Variants in MYO16 observed in about 807,000 individuals in gnomAD.
The protein encoded by MYO16 is unconventional myosin-XVI.
Under a neutral mutation model 205.3 loss-of-function variants are expected in MYO16, and 94 were observed. The ratio of observed to expected loss-of-function variants is 0.46; its 90% confidence interval spans 0.39 to 0.54. MYO16 has a LOEUF of 0.54. Among genes scored for constraint, MYO16 ranks in the 20% least tolerant of loss-of-function variants. The pLI is 0.00. For missense variants in MYO16, 2,315 were observed against 2,387.5 expected, an observed-to-expected ratio of 0.97 and a Z score of 0.63; for synonymous variants, 988 against 954.0, an observed-to-expected ratio of 1.04 and a Z score of -0.66.
intron 2 of MYO16, among the ~76,000 whole-genome samples, chr13:108,704,508 T>C (rs1236856531): frequency 2.6e-5 from 4 of 152,124 alleles, no homozygotes; most frequent in Non-Finnish European, 5.9e-5. Flanking sequence ...AATAAAAATA[T>C]ATTTTAAAAA....
chr13:108,650,709 C>A (rs922664450), intron 1 of MYO16, among the ~76,000 whole-genome samples: 2 of 152,192 alleles, frequency 1.3e-5, no homozygotes, highest in South Asian at 4.1e-4. Context: ...AATTCCAAAG[C>A]ATCATCCTCT....
At chr13:108,816,178 A>G (rs750900516) in intron 7 of MYO16, among the ~76,000 whole-genome samples, 8 of 152,198 alleles carry the variant, frequency 5.3e-5, no homozygotes, top group African/African-American at 1.9e-4. Context: ...TAAAGCTTTC[A>G]GAAGAAACTA....
intron 12 of MYO16, among the ~76,000 whole-genome samples, chr13:108,867,412 T>C (rs1878775983): frequency 6.6e-6 from 1 of 151,962 alleles, no homozygotes. Flanking sequence ...GTCAGTGCCA[T>C]GGTTACTTTA....
intron 21 of MYO16, among the ~76,000 whole-genome samples, chr13:109,003,503 G>T (rs975992229): frequency 2.6e-5 from 4 of 152,162 alleles, no homozygotes; most frequent in Admixed American, 6.6e-5. Context: ...AAATTGGGTT[G>T]CTCTATCCAG....
chr13:108,779,447 A>G (rs1886229307), intron 4 of MYO16: 1 of 152,248 alleles, frequency 6.6e-6, no homozygotes. Flanking sequence ...TGAAGGAGAC[A>G]ACTTTGGGGA....
At chr13:108,853,411 C>T (rs181968446) in intron 10 of MYO16, among the ~76,000 whole-genome samples, 1 of 152,264 alleles carries the variant, frequency 6.6e-6, no homozygotes, top group Admixed American at 6.5e-5. Context: ...CCTAACCCAA[C>T]ATTAAATAAC....
chr13:108,510,447 TAA>T, the MYO16 span, among the ~76,000 whole-genome samples: 2 of 120,812 alleles, frequency 1.7e-5, no homozygotes, highest in Admixed American at 8.7e-5. Context: ...TTTTTATATT[TAA>T]CATTGATAGC....
intron 27 of MYO16, among the ~76,000 whole-genome samples, chr13:109,093,432 C>A (rs1457327664): frequency 6.6e-6 from 1 of 152,158 alleles, no homozygotes; most frequent in Non-Finnish European, 1.5e-5. Flanking sequence ...TAATTGGCAA[C>A]CAGCAAGGTA....
chr13:109,149,190 T>C (rs1185691775), intron 32 of MYO16, among the ~76,000 whole-genome samples: 1 of 152,140 alleles, frequency 6.6e-6, no homozygotes, highest in Non-Finnish European at 1.5e-5. Context: ...ACAAAAACCA[T>C]AGCAGCGCTT....
intron 2 of MYO16, among the ~76,000 whole-genome samples, chr13:108,698,358 T>C (rs1883170414): frequency 6.6e-6 from 1 of 152,192 alleles, no homozygotes; most frequent in Non-Finnish European, 1.5e-5. Context: ...AAATAAAACT[T>C]GAGATGTGAT....
chr13:109,150,913 T>C (rs1877623995), intron 32 of MYO16, among the ~76,000 whole-genome samples: 1 of 152,220 alleles, frequency 6.6e-6, no homozygotes. Context: ...AATAAAGACC[T>C]TCCTGACTAT....
intron 23 of MYO16, among the ~76,000 whole-genome samples, chr13:109,022,157 TTATATATACAAATA>T (rs1886049692): frequency 1.6e-5 from 2 of 123,760 alleles, no homozygotes; most frequent in Admixed American, 8.2e-5. Context: ...ATATACAAAT[TTATATATACAAATA>T]TATATTTATA....
intron 15 of MYO16, among the ~76,000 whole-genome samples, chr13:108,899,415 C>T (rs1201565379): frequency 6.7e-6 from 1 of 149,846 alleles, no homozygotes; most frequent in Non-Finnish European, 1.5e-5. Context: ...GAGAGCCAAA[C>T]TCCATCTCAA....
intron 16 of MYO16, among the ~76,000 whole-genome samples, chr13:108,933,134 A>G (rs1384336671): frequency 6.6e-6 from 1 of 152,200 alleles, no homozygotes; most frequent in Admixed American, 6.5e-5. Context: ...GAAAGAGTAT[A>G]CCAAGGCATT....
At chr13:108,665,354 C>T (rs1881678586) in intron 1 of MYO16, among the ~76,000 whole-genome samples, 1 of 152,070 alleles carries the variant, frequency 6.6e-6, no homozygotes, top group African/African-American at 2.4e-5. Context: ...TCAAGTGATC[C>T]TCCTGTCTCA....
the MYO16 span, among the ~76,000 whole-genome samples, chr13:108,532,356 T>G: frequency 3.3e-3 from 506 of 152,162 alleles, 9 homozygotes; most frequent in South Asian, 0.057. Flanking sequence ...TGGAATTTAT[T>G]GGTTATCTTC....
At chr13:108,670,078 C>T (rs539011029) in intron 2 of MYO16, among the ~76,000 whole-genome samples, 110 of 152,232 alleles carry the variant, frequency 7.2e-4, no homozygotes, top group Non-Finnish European at 1.3e-3. Flanking sequence ...TATCCCAGAA[C>T]TTGAAGTAAA....
At chr13:109,028,948 C>A (rs1245667560) in intron 23 of MYO16, among the ~76,000 whole-genome samples, 1 of 151,740 alleles carries the variant, frequency 6.6e-6, no homozygotes, top group African/African-American at 2.4e-5. Flanking sequence ...GTATCTCTAT[C>A]TTTGAATAAA....
intron 16 of MYO16, among the ~76,000 whole-genome samples, chr13:108,920,378 TTC>T (rs905748683): frequency 3.3e-5 from 5 of 151,368 alleles, no homozygotes; most frequent in African/African-American, 4.9e-5. Flanking sequence ...CTTTCTTTCC[TTC>T]TCTCTCTCTC....
Sources: allele counts gnomAD v4.1 joint callset (sites outside exome capture counted in the v4.1 genomes callset), GRCh38; gene constraint gnomAD v4.1.1; transcripts MANE v1.5; gene names NCBI Gene and HGNC (gene_info 2026-07-23, HGNC 2026-07-21).